Variants in TRIM33 observed in about 807,000 individuals in gnomAD.
The protein encoded by TRIM33 is E3 ubiquitin-protein ligase TRIM33.
TRIM33 carries 20 observed loss-of-function variants against 125.4 expected under a neutral mutation model. The ratio of observed to expected loss-of-function variants is 0.16; its 90% CI spans 0.11 to 0.23. TRIM33 has a LOEUF of 0.23. Among genes scored for constraint, TRIM33 ranks in the 10% least tolerant of loss-of-function variants. The pLI, the probability that TRIM33 is intolerant of heterozygous loss-of-function variation, is 1.00. For missense variants in TRIM33, 920 were observed against 1,411.4 expected, an observed-to-expected ratio of 0.65 and a Z score of 5.58; for synonymous variants, 564 against 513.9, an observed-to-expected ratio of 1.10 and a Z score of -1.32.
At chr1:114,432,008 T>C (rs1647981472) in intron 5 of TRIM33, among the ~76,000 whole-genome samples, 2 of 152,228 alleles carry the variant, frequency 1.3e-5, no homozygotes, top group Admixed American at 1.3e-4. Flanking sequence ...GTCTACTGTA[T>C]GTTCAGTTTT....
chr1:114,410,021 A>T (rs1475894669), intron 12 of TRIM33, among the ~76,000 whole-genome samples, 163 bp downstream of exon 12: 2 of 152,040 alleles, frequency 1.3e-5, no homozygotes, highest in Non-Finnish European at 2.9e-5. Flanking sequence ...AACACCCACA[A>T]TCACATGAGC....
chr1:114,401,563 A>C, intron 16 of TRIM33, 100 bp from the exon 17 acceptor site: 2 of 884,646 alleles, frequency 2.3e-6, no homozygotes, highest in Non-Finnish European at 1.7e-6. Flanking sequence ...GATTACAACA[A>C]ACTGAACACA....
intron 4 of TRIM33, among the ~76,000 whole-genome samples, chr1:114,438,615 T>C (rs1041799764): frequency 6.6e-6 from 1 of 152,242 alleles, no homozygotes; most frequent in Non-Finnish European, 1.5e-5. Context: ...AAAAACTTAA[T>C]GACTTAGATA....
At chr1:114,425,135 C>T (rs972502953) in intron 9 of TRIM33, among the ~76,000 whole-genome samples, 2 of 152,098 alleles carry the variant, frequency 1.3e-5, no homozygotes, top group East Asian at 1.9e-4. Context: ...AGATCCTAGG[C>T]AGAAACAGTC....
At position 114,427,820 on chromosome 1, in the gene TRIM33, C is replaced by T. The variant is rs1647688170; in HGVS notation, c.1230G>A (p.Lys410=). 6.2e-7 allele frequency: 1 copy of T among 1,614,168 alleles called. No homozygotes were observed. The change falls in exon 7 of 20, where the codon AAG becomes AAA. Residue 410 remains lysine (K), a synonymous_variant. Coordinates refer to ENST00000358465, the MANE Select transcript of TRIM33 (RefSeq NM_015906.4). The stretch of plus-strand genomic sequence containing the variant: ...CCCAATTTGTGAAGTTCATAACATG[C>T]TTCACCTGCCGGGAAAGGCCTGTGA... ...NDITGLSRQV[K]HVMNFTNWAI... is the part of the protein sequence containing the mutation.
In TRIM33 at chr1:114,396,457, A is replaced by G. The variant is rs41296188; in HGVS notation, c.*1191T>C. On this transcript the variant is annotated 3_prime_UTR_variant, in exon 20 of 20. Transcript: ENST00000358465. ...CCACCGGGTTTATTTCAATATTTCG[A>G]TATTTCAATAATAAGCTGCTTCTGA... is the stretch of plus-strand genomic sequence containing the variant. 8,115 of 196,146 alleles carry G rather than the reference A, an allele frequency of 0.041. 186 individuals carry two copies. The highest frequency in any genetic ancestry group is 0.063 in the African/African-American group (2,722 of 43,338). 12.2% of individuals were successfully genotyped at this position (196,146 alleles called of 1,614,324 possible).
At chr1:114,426,525 A>ATTTT (rs1647596395) in intron 8 of TRIM33, among the ~76,000 whole-genome samples, 1 of 143,088 alleles carries the variant, frequency 7.0e-6, no homozygotes, top group African/African-American at 2.6e-5. Flanking sequence ...TTTTTTTTAA[A>ATTTT]AAAAAAGGGC....
rs780133400 is a variant in TRIM33 at position 114,396,865 on chromosome 1, T to C, written c.*783A>G. 205 of 210,288 alleles carry C rather than the reference T, an allele frequency of 9.7e-4. No homozygotes were observed. The highest frequency in any genetic ancestry group is 1.7e-3 in the Non-Finnish European group (180 of 103,686). 13.0% of individuals were successfully genotyped at this position (210,288 alleles called of 1,614,324 possible). Reference sequence around the variant, plus strand: ...ACATTCTGCCTTTCATGGGAATAACTGTATGATCACATGATTTGATTGGGA... The same window carrying C: ...ACATTCTGCCTTTCATGGGAATAACCGTATGATCACATGATTTGATTGGGA... On this transcript the variant is annotated 3_prime_UTR_variant, in exon 20 of 20. Coordinates refer to ENST00000358465, the MANE Select transcript of TRIM33 (RefSeq NM_015906.4).
intron 2 of TRIM33, among the ~76,000 whole-genome samples, chr1:114,464,038 C>T (rs78664007): frequency 0.043 from 6,594 of 152,068 alleles, 156 homozygotes; most frequent in South Asian, 0.063. Flanking sequence ...CTAAGTGCTG[C>T]GACAACAGGC....
intron 11 of TRIM33, among the ~76,000 whole-genome samples, chr1:114,412,385 A>G (rs114144691): frequency 2.0e-5 from 3 of 152,242 alleles, no homozygotes; most frequent in Non-Finnish European, 4.4e-5. Context: ...ACAATAAACT[A>G]AATATATTCA....
chr1:114,434,600 C>T (rs1373910940), intron 4 of TRIM33, among the ~76,000 whole-genome samples: 1 of 152,108 alleles, frequency 6.6e-6, no homozygotes, highest in Non-Finnish European at 1.5e-5. Context: ...GTTTTCTTTG[C>T]TACTTTTATT....
intron 1 of TRIM33, among the ~76,000 whole-genome samples, chr1:114,504,132 C>T (rs1652858641): frequency 6.6e-6 from 1 of 151,788 alleles, no homozygotes; most frequent in Non-Finnish European, 1.5e-5. Context: ...TATAGTATGG[C>T]TTGGAGCCAT....
intron 13 of TRIM33, among the ~76,000 whole-genome samples, chr1:114,407,725 A>G (rs1242279778): frequency 6.6e-6 from 1 of 152,220 alleles, no homozygotes; most frequent in Non-Finnish European, 1.5e-5. Context: ...GGATTAAAAT[A>G]TATAAAGTAT....
chr1:114,436,650 A>T (rs1648328350), intron 4 of TRIM33, among the ~76,000 whole-genome samples: 1 of 151,954 alleles, frequency 6.6e-6, no homozygotes, highest in Non-Finnish European at 1.5e-5. Flanking sequence ...TGTTTAGTAG[A>T]GATGGGGTTT....
chr1:114,457,607 T>C (rs1649703150), intron 4 of TRIM33, among the ~76,000 whole-genome samples: 2 of 152,202 alleles, frequency 1.3e-5, no homozygotes, highest in African/African-American at 4.8e-5. Flanking sequence ...GAGGTACTCA[T>C]TATATTTATA....
rs1651557547 is a variant in TRIM33, at chr1:114,396,663, C to T, written c.*985G>A. 9.8e-6 allele frequency: 2 copies of T among 203,122 alleles called. No individual in the cohort carries two copies. 12.6% of individuals were successfully genotyped at this position (203,122 alleles called of 1,614,324 possible). A position where few individuals can be genotyped will look rare whatever the true frequency, so the allele number is the denominator to read the frequency against. The stretch of plus-strand genomic sequence containing the variant: ...TGCTGATCTGCCAAAAGTTTTAGTT[C>T]ACTATTTACAAATAAGACAAAGTGA... On this transcript the variant is annotated 3_prime_UTR_variant, in exon 20 of 20. Transcript: ENST00000358465.
intron 1 of TRIM33, among the ~76,000 whole-genome samples, chr1:114,482,569 C>G (rs1651427493): frequency 6.6e-6 from 1 of 152,122 alleles, no homozygotes; most frequent in African/African-American, 2.4e-5. Context: ...TAAGACTTAA[C>G]AAGAGATCCT....
intron 4 of TRIM33, among the ~76,000 whole-genome samples, chr1:114,461,298 A>ATATTTTATATT (rs71580622): frequency 5.8e-4 from 83 of 143,300 alleles, no homozygotes; most frequent in African/African-American, 1.9e-3. Context: ...ATATTTATAT[A>ATATTTTATATT]TTATATTTTA....
In TRIM33 at chr1:114,394,051, T is replaced by C. The variant is rs1245420254; in HGVS notation, c.*3597A>G. On this transcript the variant is annotated 3_prime_UTR_variant, in exon 20 of 20. Transcript: ENST00000358465. Reference sequence around the variant, plus strand: ...GGTCCGGTACATGATCAAACTGTATTACACCTTGAAAATCTTGAGTCACCT... The same window carrying C: ...GGTCCGGTACATGATCAAACTGTATCACACCTTGAAAATCTTGAGTCACCT... 2 of 226,894 alleles carry C rather than the reference T, an allele frequency of 8.8e-6. No individual in the cohort carries two copies. Among genetic ancestry groups the C allele is most frequent in the Admixed American group, 1.1e-4 (2 of 17,588 alleles). 14.1% of individuals were successfully genotyped at this position (226,894 alleles called of 1,614,324 possible). A position where few individuals can be genotyped will look rare whatever the true frequency, so the allele number is the denominator to read the frequency against.
Sources: allele counts gnomAD v4.1 joint callset (sites outside exome capture counted in the v4.1 genomes callset), GRCh38; gene constraint gnomAD v4.1.1; transcripts MANE v1.5; gene names NCBI Gene and HGNC (gene_info 2026-07-23, HGNC 2026-07-21).